Variants in CDH4 observed in about 807,000 individuals in gnomAD.
The protein encoded by CDH4 is cadherin 4.
CDH4 carries 33 observed loss-of-function variants against 86.0 expected under a neutral mutation model. The observed-to-expected ratio is 0.38, with a 90% confidence interval of 0.29 to 0.51. CDH4 has a LOEUF of 0.51. Ranked by LOEUF, CDH4 falls within the 20% of genes least tolerant of loss-of-function variation. The pLI is 0.86. For synonymous variants in CDH4, 555 were observed against 549.4 expected (o/e 1.01, Z -0.14); for missense variants, 1,114 against 1,307.4 (o/e 0.85, Z 2.28).
At chr20:61,575,772 A>C (rs2086378499) in intron 2 of CDH4, among the ~76,000 whole-genome samples, 1 of 152,258 alleles carries the variant, frequency 6.6e-6, no homozygotes, top group Admixed American at 6.5e-5. Context: ...CCCGTTACAG[A>C]ACATGTTTGC....
chr20:61,414,831 C>T (rs1317722240), intron 2 of CDH4, among the ~76,000 whole-genome samples: 4 of 152,214 alleles, frequency 2.6e-5, no homozygotes, highest in Non-Finnish European at 4.4e-5. Context: ...AGCCAGCCTG[C>T]CTCCTCCCGT....
rs1181508242 is a variant in CDH4, at chr20:61,517,951, T to C, written c.170-225612T>C. On this transcript the variant is annotated intron_variant, in intron 2 of 15. Transcript: ENST00000614565. This position sits in a 1 kb window ranked among gnomAD's most constrained non-coding sequence, Gnocchi z 6.6. ...ACAGCCAGACAGCTTCTGGGGCTGA[T>C]TGCCCCTGGATGGGCCTCTCGTGTG... Among the ~76,000 whole-genome samples, 1 of 152,146 alleles carries C rather than the reference T, an allele frequency of 6.6e-6. No homozygotes were observed. Among genetic ancestry groups the C allele is most frequent in the Non-Finnish European group, 1.5e-5 (1 of 68,024 alleles).
intron 2 of CDH4, among the ~76,000 whole-genome samples, chr20:61,314,270 C>A (rs552254991): frequency 1.3e-5 from 2 of 152,318 alleles, no homozygotes; most frequent in East Asian, 3.9e-4. Flanking sequence ...CAACAGCTCC[C>A]CTCTCCCCAC....
intron 2 of CDH4, among the ~76,000 whole-genome samples, chr20:61,353,039 C>T (rs2084722640): frequency 6.6e-6 from 1 of 152,144 alleles, no homozygotes; most frequent in South Asian, 2.1e-4. Flanking sequence ...CTCCTCCCCT[C>T]CCCTCTCTTA....
At position 61,708,846 on chromosome 20, in the gene CDH4, G is replaced by A. The variant is rs1038631734; in HGVS notation, c.170-34717G>A. 5.3e-5 allele frequency among the ~76,000 whole-genome samples: 8 copies of A among 152,246 alleles called. No individual in the cohort carries two copies. The highest frequency in any genetic ancestry group is 1.9e-4 in the African/African-American group (8 of 41,468). On this transcript the variant is annotated intron_variant, in intron 2 of 15. Coordinates refer to ENST00000614565, the MANE Select transcript of CDH4 (RefSeq NM_001794.5). This position sits in a 1 kb window ranked among gnomAD's most constrained non-coding sequence, Gnocchi z 4.5. ...AAATCAATAGTGGGCATTGGCAGAC[G>A]TGCAGAACACCCCGCGTGCAATCTT...
chr20:61,901,605 C>A (rs1052938629), intron 8 of CDH4, among the ~76,000 whole-genome samples: 3 of 152,250 alleles, frequency 2.0e-5, no homozygotes, highest in Admixed American at 1.3e-4. Context: ...GCAAGAGCAC[C>A]AGGCTTGGGC....
intron 2 of CDH4, among the ~76,000 whole-genome samples, chr20:61,573,687 C>G (rs1055019310): frequency 6.6e-6 from 1 of 152,166 alleles, no homozygotes; most frequent in East Asian, 1.9e-4. Context: ...AGCTGACCCC[C>G]CATCCACACG....
chr20:61,273,194 G>A (rs1423930021), intron 2 of CDH4, among the ~76,000 whole-genome samples: 6 of 112,482 alleles, frequency 5.3e-5, no homozygotes, highest in Admixed American at 9.9e-5. Flanking sequence ...GTTTGGGGGA[G>A]CACCATGCGC....
At chr20:61,771,430 C>T (rs1490599012) in intron 3 of CDH4, among the ~76,000 whole-genome samples, 7 of 151,856 alleles carry the variant, frequency 4.6e-5, no homozygotes, top group Non-Finnish European at 1.0e-4. Flanking sequence ...TTGAGAGCAG[C>T]CTGGCCAACA....
chr20:61,882,794 G>A (rs1158083149), intron 7 of CDH4, among the ~76,000 whole-genome samples: 1 of 152,146 alleles, frequency 6.6e-6, no homozygotes, highest in Non-Finnish European at 1.5e-5. Context: ...AGGGTTTCCC[G>A]GCACCCCAGG....
intron 6 of CDH4, among the ~76,000 whole-genome samples, chr20:61,873,185 C>G (rs749877402): frequency 6.6e-6 from 1 of 152,222 alleles, no homozygotes; most frequent in Non-Finnish European, 1.5e-5. Flanking sequence ...CTGACGGAGT[C>G]CTATAGGCAC....
At chr20:61,339,389 G>A (rs2084637459) in intron 2 of CDH4, among the ~76,000 whole-genome samples, 3 of 152,136 alleles carry the variant, frequency 2.0e-5, no homozygotes. Context: ...GAGATCTGAA[G>A]CAAAGATGAT....
intron 2 of CDH4, among the ~76,000 whole-genome samples, chr20:61,350,804 T>C (rs919779628): frequency 1.2e-4 from 19 of 152,256 alleles, no homozygotes; most frequent in Non-Finnish European, 2.9e-5. Flanking sequence ...GGAAAGATGA[T>C]GCTGTGTTGG....
At chr20:61,300,400 G>A (rs2084379646) in intron 2 of CDH4, among the ~76,000 whole-genome samples, 1 of 152,160 alleles carries the variant, frequency 6.6e-6, no homozygotes, top group African/African-American at 2.4e-5. Context: ...GTCTCGGCTG[G>A]GTGGGTTGCT....
At chr20:61,528,081 A>G (rs2085923724) in intron 2 of CDH4, among the ~76,000 whole-genome samples, 1 of 152,130 alleles carries the variant, frequency 6.6e-6, no homozygotes, top group Non-Finnish European at 1.5e-5. Context: ...ACTTTAAAAA[A>G]GAAGAAAAAA....
chr20:61,526,182 G>A (rs1023767754), intron 2 of CDH4, among the ~76,000 whole-genome samples: 5 of 142,006 alleles, frequency 3.5e-5, no homozygotes, highest in Admixed American at 6.8e-5. Context: ...CCCCCTCCCC[G>A]GGTGGTTCTG....
chr20:61,469,461 T>A (rs1252239066), intron 2 of CDH4, among the ~76,000 whole-genome samples: 1 of 152,206 alleles, frequency 6.6e-6, no homozygotes. Context: ...TGGTTACTAA[T>A]CCCTTGTCAG....
At chr20:61,578,191 C>T (rs942013366) in intron 2 of CDH4, among the ~76,000 whole-genome samples, 2 of 152,212 alleles carry the variant, frequency 1.3e-5, no homozygotes, top group African/African-American at 4.8e-5. Context: ...ATGATCCACC[C>T]CTGTTGGTGA....
chr20:61,621,907 CAG>C (rs1395297381), intron 2 of CDH4, among the ~76,000 whole-genome samples: 2 of 152,210 alleles, frequency 1.3e-5, no homozygotes, highest in Non-Finnish European at 2.9e-5. Flanking sequence ...AAAATAAAAA[CAG>C]ATGAAGTGCA....
Sources: allele counts gnomAD v4.1 joint callset (sites outside exome capture counted in the v4.1 genomes callset), GRCh38; gene constraint gnomAD v4.1.1; non-coding constraint Gnocchi (gnomAD v3.1); transcripts MANE v1.5; gene names NCBI Gene and HGNC (gene_info 2026-07-23, HGNC 2026-07-21).